The following SPATA6 variants were observed in gnomAD, a reference collection of about 807,000 sequenced individuals.
The protein encoded by SPATA6 is spermatogenesis-associated protein 6.
In SPATA6, 56 loss-of-function variants were observed where a neutral mutation model predicts 65.3. The ratio of observed to expected loss-of-function variants is 0.86; its 90% CI spans 0.69 to 1.07. The LOEUF is 1.07. SPATA6 is among the 50% of genes least tolerant of loss of function. The pLI, the probability that SPATA6 is intolerant of heterozygous loss-of-function variation, is 0.00. For missense variants in SPATA6, 590 were observed against 594.8 expected, an observed-to-expected ratio of 0.99 and a Z score of 0.08; for synonymous variants, 199 against 213.2, an observed-to-expected ratio of 0.93 and a Z score of 0.58.
At chr1:48,471,934 G>A in intron 1 of SPATA6, 24 bp downstream of exon 1, 1 of 1,609,676 alleles carries the variant, frequency 6.2e-7, no homozygotes, top group Non-Finnish European at 8.5e-7. Context: ...ATGCCCGGGG[G>A]TGGGAGGCGC....
chr1:48,344,572 A>G (rs948974374), intron 11 of SPATA6, among the ~76,000 whole-genome samples: 1 of 152,192 alleles, frequency 6.6e-6, no homozygotes, highest in Non-Finnish European at 1.5e-5. Context: ...CCCGATTAAA[A>G]GACAGATAGG....
chr1:48,275,776 A>C, the SPATA6 span, among the ~76,000 whole-genome samples: 1 of 152,186 alleles, frequency 6.6e-6, no homozygotes, highest in South Asian at 2.1e-4. Flanking sequence ...TTTATTTAGG[A>C]TATTGGCCTG....
intron 10 of SPATA6, among the ~76,000 whole-genome samples, chr1:48,359,128 C>G (rs754284147): frequency 9.9e-5 from 15 of 152,110 alleles, no homozygotes; most frequent in Non-Finnish European, 2.2e-4. Flanking sequence ...AAAGGGAGAG[C>G]TGGAATCTTT....
chr1:48,336,763 T>G (rs1557580940), intron 11 of SPATA6, among the ~76,000 whole-genome samples: 1 of 151,958 alleles, frequency 6.6e-6, no homozygotes, highest in East Asian at 1.9e-4. Context: ...AATCTGTACA[T>G]GTACCACTGA....
chr1:48,283,697 A>ATAGAAAGAAAGAAAG, the SPATA6 span, among the ~76,000 whole-genome samples: 1 of 12,002 alleles, frequency 8.3e-5, no homozygotes. Context: ...AAAAAAAAAA[A>ATAGAAAGAAAGAAAG]AAAGAAAGAA....
At chr1:48,364,756 C>T (rs1190618784) in intron 9 of SPATA6, among the ~76,000 whole-genome samples, 1 of 152,140 alleles carries the variant, frequency 6.6e-6, no homozygotes, top group Non-Finnish European at 1.5e-5. Context: ...GTTGCCTGTT[C>T]ACTCTGATGG....
chr1:48,385,221 C>A (rs1032055399), intron 9 of SPATA6, 88 bp downstream of exon 9: 3 of 1,101,022 alleles, frequency 2.7e-6, no homozygotes, highest in Non-Finnish European at 2.5e-6. Flanking sequence ...ATTTGATAAT[C>A]CCTATCTGAT....
the SPATA6 span, among the ~76,000 whole-genome samples, chr1:48,285,649 T>G: frequency 9.2e-5 from 14 of 152,076 alleles, no homozygotes; most frequent in African/African-American, 3.1e-4. Flanking sequence ...AATGCACCGT[T>G]CCTCATGGCA....
intron 7 of SPATA6, among the ~76,000 whole-genome samples, chr1:48,395,989 C>T (rs985715122): frequency 6.6e-6 from 1 of 151,476 alleles, no homozygotes; most frequent in African/African-American, 2.4e-5. Context: ...GGTTATTATC[C>T]AGAATAAAGA....
chr1:48,388,524 A>G (rs1426230564), intron 8 of SPATA6, among the ~76,000 whole-genome samples: 1 of 152,184 alleles, frequency 6.6e-6, no homozygotes, highest in Non-Finnish European at 1.5e-5. Flanking sequence ...TCAGAAAAAG[A>G]ATTTAAATTA....
Position 48,442,776 on chromosome 1 carries a change from T to TAAATTTA in SPATA6, c.238+8769_238+8775dup, listed in dbSNP as rs568269947. Among the ~76,000 whole-genome samples, 312 of 79,546 alleles carry TAAATTTA rather than the reference T, an allele frequency of 3.9e-3. 3 individuals are homozygous for TAAATTTA. The highest frequency in any genetic ancestry group is 0.015 in the African/African-American group (298 of 20,062). The allele number at this position is 79,546 out of a possible 152,430, so 52.2% of individuals were successfully genotyped here. ...TACCCTATTCCTTTAAAAGCCAGGG[T>TAAATTTA]AAATTTAAAACCTATAATGATAATT... On this transcript the variant is annotated intron_variant, in intron 3 of 12. Transcript: ENST00000371847.
intron 11 of SPATA6, among the ~76,000 whole-genome samples, chr1:48,315,085 G>A (rs1305803321): frequency 7.9e-5 from 12 of 152,104 alleles, no homozygotes; most frequent in East Asian, 1.9e-4. Flanking sequence ...AGGACCAGAC[G>A]GATTCACAGC....
At chr1:48,397,536 A>T (rs1314098403) in intron 7 of SPATA6, among the ~76,000 whole-genome samples, 2 of 151,606 alleles carry the variant, frequency 1.3e-5, no homozygotes, top group Non-Finnish European at 3.0e-5. Flanking sequence ...GATTTCTTAA[A>T]ACTGTTTCCT....
chr1:48,298,712 C>G lies in SPATA6; in HGVS notation c.*1G>C. 6.2e-7 allele frequency: 1 copy of G among 1,610,642 alleles called. No individual in the cohort carries two copies. On this transcript the variant is annotated 3_prime_UTR_variant, in exon 13 of 13. Transcript: ENST00000371847. ...ACTAATGAGGTTTATCATGGATGGT[C>G]TCAGAAGCTTTCCTGTGTATGTGAA... is the stretch of plus-strand genomic sequence containing the variant.
intron 9 of SPATA6, among the ~76,000 whole-genome samples, chr1:48,377,544 T>C (rs920225546): frequency 1.2e-4 from 18 of 152,172 alleles, no homozygotes; most frequent in Non-Finnish European, 1.8e-4. Flanking sequence ...ACCATCTCAG[T>C]ACATAATGTC....
At chr1:48,395,481 G>T in intron 7 of SPATA6, 127 bp from the exon 8 acceptor site, 1 of 476,144 alleles carries the variant, frequency 2.1e-6, no homozygotes, top group Non-Finnish European at 3.4e-6. Flanking sequence ...TGGTGCCCAT[G>T]AGAGTCAGAC....
intron 11 of SPATA6, among the ~76,000 whole-genome samples, chr1:48,349,898 T>G (rs1216987550): frequency 6.6e-6 from 1 of 151,964 alleles, no homozygotes; most frequent in Admixed American, 6.6e-5. Context: ...CTCCACCTTT[T>G]GGCAACCATA....
chr1:48,433,548 T>C (rs1654603664), intron 3 of SPATA6, among the ~76,000 whole-genome samples: 1 of 152,186 alleles, frequency 6.6e-6, no homozygotes, highest in African/African-American at 2.4e-5. Flanking sequence ...TGTACTATGA[T>C]ACTCCAGAAA....
intron 11 of SPATA6, among the ~76,000 whole-genome samples, chr1:48,337,823 G>A (rs1488110142): frequency 1.3e-5 from 2 of 151,840 alleles, no homozygotes; most frequent in East Asian, 1.9e-4. Flanking sequence ...AATTATTGGT[G>A]GAAATTAAAG....
Sources: allele counts gnomAD v4.1 joint callset (sites outside exome capture counted in the v4.1 genomes callset), GRCh38; gene constraint gnomAD v4.1.1; transcripts MANE v1.5; gene names NCBI Gene and HGNC (gene_info 2026-07-23, HGNC 2026-07-21).